The following FGF14 variants were observed in gnomAD, a reference collection of about 807,000 sequenced individuals.
FGF14 encodes fibroblast growth factor 14.
FGF14 carries 5 observed loss-of-function variants against 25.5 expected under a neutral mutation model. That is an observed-to-expected ratio of 0.20 (90% CI 0.10 to 0.41). The LOEUF is 0.41. Ranked by LOEUF, FGF14 falls within the 10% of genes least tolerant of loss-of-function variation. The probability of loss-of-function intolerance (pLI) is 1.00; values close to 1 mark genes in which losing one functional copy is unlikely to be tolerated. For synonymous variants in FGF14, 138 were observed against 118.3 expected (o/e 1.17, Z -1.08); for missense variants, 222 against 320.1 (o/e 0.69, Z 2.34).
At chr13:102,119,710 G>A (rs1426355502) in intron 1 of FGF14, among the ~76,000 whole-genome samples, 6 of 152,044 alleles carry the variant, frequency 3.9e-5, no homozygotes, top group Non-Finnish European at 8.8e-5. Flanking sequence ...GTGCACACAC[G>A]TGTGTTCCCC....
chr13:102,315,243 G>A (rs893062065), intron 1 of FGF14, among the ~76,000 whole-genome samples: 6 of 152,106 alleles, frequency 3.9e-5, no homozygotes, highest in African/African-American at 1.4e-4. Flanking sequence ...TTTCTGTAAA[G>A]GGGATCTTTT....
rs187550103 is a variant in FGF14 at position 101,934,758 on chromosome 13, T to C, written c.209-59462A>G. ...ACTCTACACTGCCATTTTCTATACA[T>C]GAAGACCCCCTGATGGTTGGTGGAG... is the stretch of plus-strand genomic sequence containing the variant. On this transcript the variant is annotated intron_variant, in intron 1 of 4. Coordinates refer to the FGF14 transcript ENST00000376131. Among the ~76,000 whole-genome samples, 1,167 of 152,328 alleles carry C rather than the reference T, an allele frequency of 7.7e-3. 5 individuals are homozygous for C. The highest frequency in any genetic ancestry group is 9.5e-3 in the Non-Finnish European group (648 of 68,026).
At chr13:101,723,054 C>T (rs1244461002) in intron 4 of FGF14, 87 bp from the exon 5 acceptor site, 1 of 1,501,558 alleles carries the variant, frequency 6.7e-7, no homozygotes, top group African/African-American at 1.4e-5. Context: ...TAGACCACTG[C>T]AGTTTGCCCA....
chr13:102,289,034 T>C (rs1160507785), intron 1 of FGF14, among the ~76,000 whole-genome samples: 2 of 152,158 alleles, frequency 1.3e-5, no homozygotes, highest in Non-Finnish European at 2.9e-5. Context: ...TGTCACTAAA[T>C]TGATTTATTG....
chr13:101,946,349 A>G (rs972378532), intron 1 of FGF14, among the ~76,000 whole-genome samples: 7 of 137,492 alleles, frequency 5.1e-5, no homozygotes, highest in Admixed American at 3.8e-4. Flanking sequence ...TAATAAAAGC[A>G]GCTGCTTCTC....
At chr13:102,051,747 C>T (rs185508063) in intron 1 of FGF14, among the ~76,000 whole-genome samples, 1 of 152,262 alleles carries the variant, frequency 6.6e-6, no homozygotes, top group East Asian at 1.9e-4. Flanking sequence ...TCTCACATCC[C>T]CTCTCTCCCA....
chr13:102,391,561 G>C (rs1349095032), intron 1 of FGF14, among the ~76,000 whole-genome samples: 1 of 152,106 alleles, frequency 6.6e-6, no homozygotes, highest in Non-Finnish European at 1.5e-5. Context: ...CTCATTAAAA[G>C]TATTTCCAAT....
At chr13:102,259,403 G>GTCTCATTCTATGT (rs2052608222) in intron 1 of FGF14, among the ~76,000 whole-genome samples, 1 of 152,066 alleles carries the variant, frequency 6.6e-6, no homozygotes, top group African/African-American at 2.4e-5. Context: ...TTGAAACAGA[G>GTCTCATTCTATGT]TCTCATTCTA....
At chr13:102,019,329 C>G (rs921284772) in intron 1 of FGF14, among the ~76,000 whole-genome samples, 1 of 152,136 alleles carries the variant, frequency 6.6e-6, no homozygotes, top group Non-Finnish European at 1.5e-5. Flanking sequence ...GTTCTGCTGA[C>G]CTGTTTCCAG....
chr13:102,211,014 A>G (rs951241932), intron 1 of FGF14, among the ~76,000 whole-genome samples: 2 of 152,166 alleles, frequency 1.3e-5, no homozygotes, highest in African/African-American at 4.8e-5. Flanking sequence ...TGCAACAACT[A>G]TGACCACCTT....
chr13:101,823,982 G>A (rs1352139584), intron 3 of FGF14, among the ~76,000 whole-genome samples: 2 of 151,666 alleles, frequency 1.3e-5, no homozygotes, highest in Non-Finnish European at 2.9e-5. Context: ...TCTATGTTCT[G>A]TTATATGCTT....
intron 3 of FGF14, among the ~76,000 whole-genome samples, chr13:101,773,919 T>C (rs984840376): frequency 4.0e-5 from 6 of 149,730 alleles, no homozygotes; most frequent in Non-Finnish European, 7.4e-5. Flanking sequence ...ATCTCCTATA[T>C]CCTAGGATTT....
At chr13:101,911,763 C>T (rs938164010) in intron 1 of FGF14, among the ~76,000 whole-genome samples, 4 of 151,976 alleles carry the variant, frequency 2.6e-5, no homozygotes, top group Admixed American at 1.3e-4. Context: ...ATACAACTAA[C>T]AAATAATAAA....
At chr13:102,323,249 T>A (rs1342185249) in intron 1 of FGF14, among the ~76,000 whole-genome samples, 2 of 152,206 alleles carry the variant, frequency 1.3e-5, no homozygotes. Flanking sequence ...TTAAGCTGCA[T>A]TAGTCACAGA....
At chr13:101,942,199 A>G (rs2035496888) in intron 1 of FGF14, among the ~76,000 whole-genome samples, 1 of 152,202 alleles carries the variant, frequency 6.6e-6, no homozygotes, top group Non-Finnish European at 1.5e-5. Flanking sequence ...GCAACTGTGT[A>G]AAGTGTGGTG....
chr13:101,915,494 C>A (rs1202684642), intron 1 of FGF14, among the ~76,000 whole-genome samples: 7 of 152,180 alleles, frequency 4.6e-5, no homozygotes, highest in African/African-American at 1.7e-4. Flanking sequence ...ATTTCCCCCA[C>A]AGAACACACC....
At chr13:102,083,064 A>C (rs1309888889) in intron 1 of FGF14, among the ~76,000 whole-genome samples, 1 of 152,248 alleles carries the variant, frequency 6.6e-6, no homozygotes, top group Non-Finnish European at 1.5e-5. Flanking sequence ...TTCCACAACC[A>C]TCCGTCTAAC....
chr13:101,828,896 C>T (rs1269453788), intron 3 of FGF14, among the ~76,000 whole-genome samples: 1 of 152,072 alleles, frequency 6.6e-6, no homozygotes, highest in Non-Finnish European at 1.5e-5. Flanking sequence ...TCCCTCACAC[C>T]TTTCCTGTCT....
intron 1 of FGF14, among the ~76,000 whole-genome samples, chr13:102,029,116 C>A (rs1041274512): frequency 1.3e-5 from 2 of 151,964 alleles, no homozygotes; most frequent in Non-Finnish European, 2.9e-5. Context: ...GGAAATCATC[C>A]CAAAATCAAC....
Sources: allele counts gnomAD v4.1 joint callset (sites outside exome capture counted in the v4.1 genomes callset), GRCh38; gene constraint gnomAD v4.1.1; transcripts MANE v1.5; gene names NCBI Gene and HGNC (gene_info 2026-07-23, HGNC 2026-07-21).